The following DAP3 variants were observed in gnomAD, a reference collection of about 807,000 sequenced individuals.
DAP3 encodes death associated protein 3.
In DAP3, 28 loss-of-function variants were observed where a neutral mutation model predicts 51.9. That is an observed-to-expected ratio of 0.54 (90% CI 0.40 to 0.74). DAP3 has a LOEUF of 0.74. DAP3 is among the 30% of genes least tolerant of loss of function. DAP3 has a pLI of 0.00. For missense variants in DAP3, 458 were observed against 483.5 expected, an observed-to-expected ratio of 0.95 and a Z score of 0.49; for synonymous variants, 170 against 170.3, an observed-to-expected ratio of 1.00 and a Z score of 0.01.
chr1:155,727,754 G>C lies in DAP3; in HGVS notation c.603+16G>C. On this transcript the variant is annotated intron_variant, in intron 7 of 12. Transcript: ENST00000368336. ...CCTGAACCAGGTGACTAGACTCCCA[G>C]AAGTTGAGTGCTAGGTAGTCCTTAC... 6.2e-7 allele frequency: 1 copy of C among 1,613,050 alleles called. No individual in the cohort carries two copies. The highest frequency in any genetic ancestry group is 1.1e-5 in the South Asian group (1 of 90,910).
Position 155,731,304 on chromosome 1 carries a change from C to T in DAP3, c.844-52C>T, listed in dbSNP as rs1260767063. Reference sequence around the variant, plus strand: ...ATTGTTGTCAATTGTTTCGGGAGAACATCTAGGAAAGGCACGTGATGATCT... The same window carrying T: ...ATTGTTGTCAATTGTTTCGGGAGAATATCTAGGAAAGGCACGTGATGATCT... On this transcript the variant is annotated intron_variant, in intron 9 of 12. Transcript: ENST00000368336. The T allele has an allele frequency of 4.6e-6, 7 of 1,533,198 alleles. No homozygotes were observed. In the South Asian group the frequency reaches 5.8e-5, roughly 13 times the overall value. 95.0% of individuals were successfully genotyped at this position (1,533,198 alleles called of 1,614,324 possible).
chr1:155,713,664 T>G (rs938893524), intron 2 of DAP3, among the ~76,000 whole-genome samples: 2 of 152,190 alleles, frequency 1.3e-5, no homozygotes, highest in Non-Finnish European at 2.9e-5. Flanking sequence ...GATAACATGA[T>G]ACAGTTTTTT....
chr1:155,704,801 G>A (rs912180990), intron 1 of DAP3, among the ~76,000 whole-genome samples: 25 of 151,892 alleles, frequency 1.6e-4, no homozygotes, highest in East Asian at 5.8e-4. Flanking sequence ...CCAACATGGC[G>A]AAACCCTGTA....
intron 3 of DAP3, among the ~76,000 whole-genome samples, chr1:155,720,884 A>G (rs977065034): frequency 1.3e-5 from 2 of 151,742 alleles, no homozygotes; most frequent in Non-Finnish European, 2.9e-5. Flanking sequence ...TAAAAATACA[A>G]AAATTAGCTG....
intron 4 of DAP3, among the ~76,000 whole-genome samples, chr1:155,724,559 G>A (rs1231019719): frequency 1.3e-5 from 2 of 150,126 alleles, no homozygotes; most frequent in African/African-American, 2.5e-5. Context: ...CTTGAACCCC[G>A]GAGGCGGAGG....
intron 12 of DAP3, 90 bp downstream of exon 12, chr1:155,737,153 C>A: frequency 2.2e-6 from 2 of 911,366 alleles, no homozygotes; most frequent in Non-Finnish European, 3.5e-6. Flanking sequence ...CCCTTAACAA[C>A]AGCCTCTAAT....
At chr1:155,703,883 C>G (rs1055034524) in intron 1 of DAP3, among the ~76,000 whole-genome samples, 1 of 152,154 alleles carries the variant, frequency 6.6e-6, no homozygotes, top group Non-Finnish European at 1.5e-5. Flanking sequence ...CATAGTGGCT[C>G]GCGCCTGCAA....
At chr1:155,703,565 TC>T in intron 1 of DAP3, among the ~76,000 whole-genome samples, 1 of 152,256 alleles carries the variant, frequency 6.6e-6, no homozygotes, top group South Asian at 2.1e-4. Context: ...TAAGACAGGG[TC>T]TTGCTCTGTC....
chr1:155,720,745 A>C (rs1657895638), intron 3 of DAP3, among the ~76,000 whole-genome samples: 1 of 151,680 alleles, frequency 6.6e-6, no homozygotes, highest in Non-Finnish European at 1.5e-5. Flanking sequence ...CACAGATAAA[A>C]AGACAAGGCT....
At chr1:155,689,296 G>C in intron 1 of DAP3, 122 bp downstream of exon 1, 1 of 627,300 alleles carries the variant, frequency 1.6e-6, no homozygotes, top group Non-Finnish European at 3.0e-6. Context: ...TTCCTCCCGG[G>C]CGTTGAGTTG....
intron 1 of DAP3, among the ~76,000 whole-genome samples, chr1:155,699,222 GT>G (rs1481224960): frequency 6.6e-6 from 1 of 152,234 alleles, no homozygotes; most frequent in Admixed American, 6.5e-5. Flanking sequence ...CACGTAATGT[GT>G]AGCAGAGGCG....
chr1:155,728,992 T>C (rs1658911705), intron 7 of DAP3, 50 bp from the exon 8 acceptor site: 4 of 1,595,164 alleles, frequency 2.5e-6, no homozygotes, highest in Non-Finnish European at 3.4e-6. Flanking sequence ...GTTTCACCCT[T>C]AGGCCAAGTA....
upstream of DAP3, chr1:155,688,619 AC>A (rs1258015686): frequency 2.0e-6 from 3 of 1,533,598 alleles, no homozygotes; most frequent in Non-Finnish European, 2.6e-6. Flanking sequence ...TCCCCCTCAG[AC>A]CCTGTCAAGC....
chr1:155,717,085 T>C lies in DAP3; in HGVS notation c.125T>C (p.Val42Ala), dbSNP rs755738906. Residue 42 changes from valine to alanine, a missense_variant, in exon 3 of 13, where the codon GTT becomes GCT. By Grantham distance (64) the Val-to-Ala change is moderately conservative. Coordinates refer to ENST00000368336, the MANE Select transcript of DAP3 (RefSeq NM_004632.4). ...GCTCACCTAGATAACCAGGTTCCAGTTGAGAGTCCGAGAGCTATTTCCCGC... is the reference window on the plus strand; with the variant it reads ...GCTCACCTAGATAACCAGGTTCCAGCTGAGAGTCCGAGAGCTATTTCCCGC... The part of the protein sequence containing the change: ...IAAHLDNQVP[V>A]ESPRAISRTN... 6.2e-7 allele frequency: 1 copy of C among 1,614,102 alleles called. No individual in the cohort carries two copies. The highest frequency in any genetic ancestry group is 1.1e-5 in the South Asian group (1 of 91,086).
Position 155,727,663 on chromosome 1 carries a change from G to A in DAP3, c.528G>A (p.Gln176=). The stretch of plus-strand genomic sequence containing the variant: ...TTCTGCAGTCCAGCTACAACAAACA[G>A]CGCTTTGATCAACCTTTAGAGGCTT... ...RDLLQSSYNK[Q]RFDQPLEAST... The change falls in exon 7 of 13, where the codon CAG becomes CAA. Residue 176 remains glutamine, a synonymous_variant. Transcript: ENST00000368336. 6.2e-7 allele frequency: 1 copy of A among 1,613,756 alleles called. No individual in the cohort carries two copies. The highest frequency in any genetic ancestry group is 1.1e-5 in the South Asian group (1 of 91,052).
At chr1:155,719,305 G>T (rs957069613) in intron 3 of DAP3, among the ~76,000 whole-genome samples, 3 of 148,214 alleles carry the variant, frequency 2.0e-5, no homozygotes, top group Non-Finnish European at 4.4e-5. Context: ...GCGCAGTCTC[G>T]TCTCACTGCA....
chr1:155,690,491 G>T (rs1432554154), intron 1 of DAP3, among the ~76,000 whole-genome samples: 3 of 141,418 alleles, frequency 2.1e-5, no homozygotes, highest in African/African-American at 3.2e-5. Flanking sequence ...AGTTAGCCGA[G>T]ATCACGCCAT....
chr1:155,702,537 C>T (rs963858064), intron 1 of DAP3, among the ~76,000 whole-genome samples: 2 of 152,016 alleles, frequency 1.3e-5, no homozygotes, highest in African/African-American at 4.8e-5. Flanking sequence ...CTTATGAGTA[C>T]GTCTATGATC....
intron 1 of DAP3, among the ~76,000 whole-genome samples, chr1:155,703,267 C>T (rs944844566): frequency 4.6e-5 from 7 of 152,094 alleles, no homozygotes; most frequent in East Asian, 1.9e-4. Flanking sequence ...CACGTGGCTA[C>T]GGAGGTCTTA....
Sources: allele counts gnomAD v4.1 joint callset (sites outside exome capture counted in the v4.1 genomes callset), GRCh38; gene constraint gnomAD v4.1.1; transcripts MANE v1.5; gene names NCBI Gene and HGNC (gene_info 2026-07-23, HGNC 2026-07-21).